Variants in BRCA1 observed in about 807,000 individuals in gnomAD.
BRCA1 encodes the protein BRCA1 DNA repair associated, also known as breast cancer type 1 susceptibility protein.
Under a neutral mutation model 173.7 loss-of-function variants are expected in BRCA1, and 140 were observed. That is an observed-to-expected ratio of 0.81 (90% CI 0.70 to 0.93). BRCA1 has a LOEUF of 0.93. Among genes scored for constraint, BRCA1 ranks in the 40% least tolerant of loss-of-function variants. BRCA1 has a pLI of 0.00. For synonymous variants in BRCA1, 662 were observed against 756.0 expected, an observed-to-expected ratio of 0.88 and a Z score of 2.04; for missense variants, 1,983 against 2,172.5, an observed-to-expected ratio of 0.91 and a Z score of 1.73.
chr17:43,158,731 A>G (rs2056213487), intron 1 of BRCA1, among the ~76,000 whole-genome samples: 1 of 152,228 alleles, frequency 6.6e-6, no homozygotes, highest in African/African-American at 2.4e-5. Flanking sequence ...TACTGAATAT[A>G]CAGATGTACA....
At chr17:43,154,574 A>C (rs188623227) in intron 1 of BRCA1, among the ~76,000 whole-genome samples, 1 of 152,050 alleles carries the variant, frequency 6.6e-6, no homozygotes, top group Non-Finnish European at 1.5e-5. Context: ...AAAAATAAAA[A>C]CTTTAGAAAA....
Position 43,095,924 on chromosome 17 carries a change from T to C in BRCA1, c.594-2A>G, listed in dbSNP as rs80358033. The C allele has an allele frequency of 6.2e-7, 1 of 1,610,066 alleles. No homozygotes were observed. Among genetic ancestry groups the C allele is most frequent in the Non-Finnish European group, 8.5e-7 (1 of 1,176,684 alleles). Reference sequence around the variant, plus strand: ...TGTAACAATTCTTGATCTCCCACACTATAGGGAAAAGACAGAGTCCTAATA... The same window carrying C: ...TGTAACAATTCTTGATCTCCCACACCATAGGGAAAAGACAGAGTCCTAATA... On this transcript the variant is annotated splice_acceptor_variant, in intron 8 of 22. Coordinates refer to ENST00000357654, the MANE Select transcript of BRCA1 (RefSeq NM_007294.4). LOFTEE classifies it high-confidence loss of function.
chr17:43,085,719 C>A (rs2154192080), intron 11 of BRCA1, among the ~76,000 whole-genome samples: 1 of 152,142 alleles, frequency 6.6e-6, no homozygotes, highest in Middle Eastern at 3.4e-3. Context: ...GAAGTAAGGG[C>A]AAGTGGGCAG....
chr17:43,151,440 T>C (rs1404132504), intron 1 of BRCA1, among the ~76,000 whole-genome samples: 1 of 151,984 alleles, frequency 6.6e-6, no homozygotes, highest in Non-Finnish European at 1.5e-5. Flanking sequence ...ATGAGCCACA[T>C]GTGGTGGCGC....
intron 19 of BRCA1, 43 bp from the exon 20 acceptor site, chr17:43,051,160 AAGGAAAATCT>A: frequency 1.3e-6 from 2 of 1,543,212 alleles, no homozygotes; most frequent in African/African-American, 2.7e-5. Flanking sequence ...GAATGGAGAG[AAGGAAAATCT>A]AGTTATAAAA....
At chr17:43,061,496 T>C (rs2051749124) in intron 18 of BRCA1, among the ~76,000 whole-genome samples, 2 of 152,074 alleles carry the variant, frequency 1.3e-5, no homozygotes, top group African/African-American at 4.8e-5. Flanking sequence ...TCCCAATAAA[T>C]AGCCACTGAA....
intron 2 of BRCA1, among the ~76,000 whole-genome samples, chr17:43,120,149 C>T (rs1349368912): frequency 3.9e-5 from 6 of 152,132 alleles, no homozygotes; most frequent in East Asian, 3.9e-4. Flanking sequence ...CACCGGGGAA[C>T]ACATTTTAGC....
intron 1 of BRCA1, chr17:43,148,557 C>T (rs1482754819): frequency 1.3e-5 from 2 of 152,270 alleles, no homozygotes; most frequent in African/African-American, 4.8e-5. Flanking sequence ...AGGAATGTCA[C>T]AAGATCAATT....
rs1555580860 is a variant in BRCA1 at position 43,071,090 on chromosome 17, T to C, written c.4824A>G (p.Ala1608=). The C allele has an allele frequency of 6.2e-7, 1 of 1,614,208 alleles. No individual in the cohort carries two copies. The highest frequency in any genetic ancestry group is 2.2e-5 in the East Asian group (1 of 44,890). Residue 1608 remains alanine, a synonymous_variant, in exon 15 of 23, where the codon GCA becomes GCG. Coordinates refer to ENST00000357654, the MANE Select transcript of BRCA1 (RefSeq NM_007294.4). ...SALKVPQLKV[A]ESAQSPAAAH... ...CAGCAGCTGGACTCTGGGCAGATTC[T>C]GCAACTTTCAATTGGGGAACTTTCA...
intron 15 of BRCA1, among the ~76,000 whole-genome samples, chr17:43,068,091 C>T (rs2052225814): frequency 6.6e-6 from 1 of 151,524 alleles, no homozygotes; most frequent in Non-Finnish European, 1.5e-5. Context: ...TCCTGGCTAA[C>T]ACGGTGAAAC....
Position 43,074,201 on chromosome 17 carries a change from G to T in BRCA1, c.4675+130C>A, listed in dbSNP as rs1222213321. The T allele has an allele frequency of 7.1e-6, 6 of 840,162 alleles. No homozygotes were observed. The African/African-American group carries it at 1.0e-4, about 14-fold the overall frequency. The allele number at this position is 840,162 out of a possible 1,614,324, so 52.0% of individuals were successfully genotyped here. On this transcript the variant is annotated intron_variant, in intron 14 of 22. Transcript: ENST00000357654. ...CACTTGAGCTATTTTTCTAAAGTGG[G>T]CTTAATTAAGTATAACAAAAGTGTC...
intron 1 of BRCA1, chr17:43,138,696 C>T (rs752422782): frequency 1.3e-6 from 1 of 779,296 alleles, no homozygotes; most frequent in Non-Finnish European, 2.4e-6. Flanking sequence ...GGCTCCCTTG[C>T]CAGCAGGGTG....
intron 1 of BRCA1, chr17:43,162,754 C>T (rs1189548746): frequency 6.6e-6 from 1 of 152,106 alleles, no homozygotes; most frequent in Admixed American, 6.6e-5. Context: ...ATGCTTCGGC[C>T]GTGCGTGGAC....
At chr17:43,104,092 GAA>G in intron 6 of BRCA1, 28 bp downstream of exon 6, 1 of 1,585,000 alleles carries the variant, frequency 6.3e-7, no homozygotes, top group South Asian at 1.1e-5. Context: ...AAAAGAAGAA[GAA>G]GAAGAAGAAG....
rs1451322222 is a variant in BRCA1, at chr17:43,097,303, C to T, written c.548-14G>A. 6.2e-7 allele frequency: 1 copy of T among 1,609,582 alleles called. No homozygotes were observed. The highest frequency in any genetic ancestry group is 1.1e-5 in the South Asian group (1 of 90,756). On this transcript the variant is annotated splice_polypyrimidine_tract_variant and intron_variant, in intron 7 of 22. Transcript: ENST00000357654. ...AAGAATCAGATCCTAAAAAATTTCC[C>T]CCCAAAAAATAAATCAATAAAAGTT...
At chr17:43,106,346 T>C (rs2054760519) in intron 4 of BRCA1, 110 bp downstream of exon 4, 3 of 731,518 alleles carry the variant, frequency 4.1e-6, no homozygotes, top group East Asian at 2.8e-5. Flanking sequence ...AAAAACTCTT[T>C]TATAAATTTT....
intron 5 of BRCA1, 116 bp downstream of exon 5, chr17:43,104,752 T>G (rs1327782715): frequency 3.2e-6 from 3 of 923,564 alleles, no homozygotes; most frequent in African/African-American, 1.6e-5. Flanking sequence ...GATACAGAAC[T>G]AAAATTAACC....
intron 13 of BRCA1, 27 bp from the exon 14 acceptor site, chr17:43,074,548 C>T (rs2154025481): frequency 1.3e-6 from 2 of 1,584,780 alleles, no homozygotes; most frequent in Non-Finnish European, 1.7e-6. Context: ...AAGGAGAAAA[C>T]CATCGCCACC....
chr17:43,118,562 C>T (rs981144843), intron 2 of BRCA1, among the ~76,000 whole-genome samples: 8 of 151,832 alleles, frequency 5.3e-5, no homozygotes, highest in African/African-American at 1.9e-4. Flanking sequence ...ACTGGGATTA[C>T]AGGAGTGAGC....
Sources: allele counts gnomAD v4.1 joint callset (sites outside exome capture counted in the v4.1 genomes callset), GRCh38; gene constraint gnomAD v4.1.1; transcripts MANE v1.5; gene names NCBI Gene and HGNC (gene_info 2026-07-23, HGNC 2026-07-21).